ITGB6: variants seen among roughly 807,000 people sequenced by gnomAD.
ITGB6 encodes integrin subunit beta 6.
Under a neutral mutation model 84.5 loss-of-function variants are expected in ITGB6, and 80 were observed. The ratio of observed to expected loss-of-function variants is 0.95; its 90% CI spans 0.79 to 1.14. The LOEUF is 1.14. ITGB6 is among the 50% of genes most tolerant of loss of function. The pLI is 0.00. For missense variants in ITGB6, 1,006 were observed against 968.0 expected, an observed-to-expected ratio of 1.04 and a Z score of -0.52; for synonymous variants, 383 against 354.9, an observed-to-expected ratio of 1.08 and a Z score of -0.89.
At chr2:160,197,209 C>T (rs1450835667) in intron 2 of ITGB6, among the ~76,000 whole-genome samples, 5 of 151,914 alleles carry the variant, frequency 3.3e-5, no homozygotes, top group South Asian at 2.1e-4. Flanking sequence ...GGCAGGAGAA[C>T]GGTGTGAACC....
intron 7 of ITGB6, among the ~76,000 whole-genome samples, chr2:160,147,289 T>G (rs1684234873): frequency 1.3e-5 from 2 of 152,180 alleles, no homozygotes; most frequent in African/African-American, 4.8e-5. Flanking sequence ...TTGACTTTTA[T>G]CACTGTAGAA....
At chr2:160,135,543 GA>G (rs1318407668) in intron 10 of ITGB6, among the ~76,000 whole-genome samples, 1 of 151,936 alleles carries the variant, frequency 6.6e-6, no homozygotes, top group Non-Finnish European at 1.5e-5. Context: ...CACAGAACTG[GA>G]AAAAACTACT....
At chr2:160,114,673 G>A (rs533820604) in intron 12 of ITGB6, among the ~76,000 whole-genome samples, 18 of 152,290 alleles carry the variant, frequency 1.2e-4, no homozygotes, top group Admixed American at 2.6e-4. Flanking sequence ...GTGGGTGCGC[G>A]CACCGTGCGC....
At chr2:160,104,165 C>T (rs374406534) in intron 14 of ITGB6, among the ~76,000 whole-genome samples, 18 of 152,256 alleles carry the variant, frequency 1.2e-4, no homozygotes, top group African/African-American at 4.1e-4. Flanking sequence ...ATGGGTAAAG[C>T]AGACTTCACT....
At chr2:160,141,591 G>A (rs1041760663) in intron 8 of ITGB6, among the ~76,000 whole-genome samples, 4 of 152,244 alleles carry the variant, frequency 2.6e-5, no homozygotes, top group Admixed American at 1.3e-4. Context: ...ACCTAGTATC[G>A]TCAAGCCTGT....
chr2:160,189,209 G>A (rs1165336070), intron 4 of ITGB6, among the ~76,000 whole-genome samples: 4 of 152,056 alleles, frequency 2.6e-5, no homozygotes, highest in African/African-American at 7.2e-5. Context: ...AATTCAAGAT[G>A]GATTAAAGAC....
rs1284630594 is a variant in ITGB6 at position 160,199,171 on chromosome 2, T to A, written c.141+8A>T. ...GTTTTAAAAACACATTGAGGTCATTTATTTTACCTCCTGAGCACACCAGGC... is the reference window on the plus strand; with the variant it reads ...GTTTTAAAAACACATTGAGGTCATTAATTTTACCTCCTGAGCACACCAGGC... On this transcript the variant is annotated splice_region_variant and intron_variant, in intron 2 of 14. Coordinates refer to ENST00000283249, the MANE Select transcript of ITGB6 (RefSeq NM_000888.5). 6.2e-7 allele frequency: 1 copy of A among 1,611,848 alleles called. No individual in the cohort carries two copies. Among genetic ancestry groups the A allele is most frequent in the South Asian group, 1.1e-5 (1 of 91,022 alleles).
intron 4 of ITGB6, among the ~76,000 whole-genome samples, chr2:160,188,941 G>A (rs1218916864): frequency 2.0e-5 from 3 of 152,034 alleles, no homozygotes; most frequent in Admixed American, 6.6e-5. Flanking sequence ...CACGCTACCG[G>A]ACTTCAAACT....
chr2:160,146,289 A>C lies in ITGB6; in HGVS notation c.1018-4218T>G, dbSNP rs187745319. 5.3e-5 allele frequency among the ~76,000 whole-genome samples: 8 copies of C among 152,318 alleles called. No homozygotes were observed. The East Asian group carries it at 1.5e-3, about 29-fold the overall frequency. ...ACACATATACCATGTTTAATGATCAAATCTATCACATTTTAATAAAGAATT... is the reference window on the plus strand; with the variant it reads ...ACACATATACCATGTTTAATGATCACATCTATCACATTTTAATAAAGAATT... On this transcript the variant is annotated intron_variant, in intron 7 of 14. Transcript: ENST00000283249.
At chr2:160,146,462 C>G (rs565639004) in intron 7 of ITGB6, among the ~76,000 whole-genome samples, 3 of 152,098 alleles carry the variant, frequency 2.0e-5, no homozygotes, top group African/African-American at 2.4e-5. Context: ...ATATTATTAA[C>G]CAACATCAAT....
At position 160,175,347 on chromosome 2, in the gene ITGB6, C is replaced by A. The variant is rs188496636; in HGVS notation, c.594-1208G>T. ...TTGTTACTCCCTAATTAATACTTGCCGTGTTTTCTGAGTCATTCGTGGACA... is the reference window on the plus strand; with the variant it reads ...TTGTTACTCCCTAATTAATACTTGCAGTGTTTTCTGAGTCATTCGTGGACA... On this transcript the variant is annotated intron_variant, in intron 4 of 14. Transcript: ENST00000283249. Among the ~76,000 whole-genome samples the A allele has an allele frequency of 2.0e-5, 3 of 152,230 alleles. No homozygotes were observed. In the East Asian group the frequency reaches 5.8e-4, roughly 29 times the overall value.
intron 11 of ITGB6, 101 bp from the exon 12 acceptor site, chr2:160,123,989 A>G: frequency 1.3e-6 from 1 of 742,018 alleles, no homozygotes; most frequent in Non-Finnish European, 2.3e-6. Flanking sequence ...GTGCTATAGG[A>G]GTATGTCATA....
At chr2:160,135,160 T>C (rs55711957) in intron 10 of ITGB6, among the ~76,000 whole-genome samples, 78,425 of 132,880 alleles carry the variant, frequency 0.59, 21,549 homozygotes, top group Admixed American at 0.65. Flanking sequence ...AAAACCCCAC[T>C]GTCTCAGCCC....
chr2:160,159,107 A>G (rs1345449451), intron 7 of ITGB6, among the ~76,000 whole-genome samples: 1 of 152,238 alleles, frequency 6.6e-6, no homozygotes, highest in East Asian at 1.9e-4. Flanking sequence ...TCAAAAAAAA[A>G]AAAAAAGAAA....
At chr2:160,170,214 G>A (rs1354952899) in intron 6 of ITGB6, among the ~76,000 whole-genome samples, 2 of 152,140 alleles carry the variant, frequency 1.3e-5, no homozygotes, top group East Asian at 3.8e-4. Context: ...AAGCCCTCCT[G>A]TACACTCATA....
At position 160,107,766 on chromosome 2, in the gene ITGB6, C is replaced by T. The variant is rs1375958303; in HGVS notation, c.2181G>A (p.Leu727=). The change falls in exon 14 of 15, where the codon CTG becomes CTA. Residue 727 remains leucine (L), a synonymous_variant. Coordinates refer to ENST00000283249, the MANE Select transcript of ITGB6 (RefSeq NM_000888.5). ...LAILLIGVVL[L]CIWKLLVSFH... is the part of the protein sequence containing the mutation. ...ATGACACCAGTAGCTTCCAGATGCA[C>T]AGTAGGACAACCCCGATGAGAAGAA... The T allele has an allele frequency of 3.1e-6, 5 of 1,613,998 alleles. No homozygotes were observed. Among genetic ancestry groups the T allele is most frequent in the African/African-American group, 1.3e-5 (1 of 75,018 alleles).
In ITGB6 at chr2:160,115,700, G is replaced by A. The variant is rs191375616; in HGVS notation, c.1982-3501C>T. ...GAATTGAGAGAAGAAGGCTCCAGACGATCAAACTACTCCGAGCTACAGGAG... is the reference window on the plus strand; with the variant it reads ...GAATTGAGAGAAGAAGGCTCCAGACAATCAAACTACTCCGAGCTACAGGAG... On this transcript the variant is annotated intron_variant, in intron 12 of 14. Transcript: ENST00000283249. Among the ~76,000 whole-genome samples, 133 of 152,286 alleles carry A rather than the reference G, an allele frequency of 8.7e-4. 1 individual carries two copies. Among genetic ancestry groups the A allele is most frequent in the Non-Finnish European group, 1.2e-3 (83 of 68,008 alleles).
At chr2:160,162,674 A>C (rs1356229014) in intron 7 of ITGB6, among the ~76,000 whole-genome samples, 2 of 152,182 alleles carry the variant, frequency 1.3e-5, no homozygotes, top group Non-Finnish European at 2.9e-5. Flanking sequence ...GCTAGAGTGC[A>C]ATGGTGCGAT....
chr2:160,115,399 C>T (rs1033217479), intron 12 of ITGB6, among the ~76,000 whole-genome samples: 1 of 152,262 alleles, frequency 6.6e-6, no homozygotes, highest in Non-Finnish European at 1.5e-5. Flanking sequence ...CCCAGGCAAA[C>T]AGGGTCTGGA....
Sources: gnomAD v4.1 joint callset for allele counts (sites outside exome capture counted in the v4.1 genomes callset) on GRCh38, gnomAD v4.1.1 for gene constraint, MANE v1.5 for transcripts, NCBI Gene and HGNC (gene_info 2026-07-23, HGNC 2026-07-21) for gene names.